ITIH2: variants seen among roughly 807,000 people sequenced by gnomAD.
ITIH2 encodes the protein inter-alpha-trypsin inhibitor heavy chain 2, also known as inter-alpha-trypsin inhibitor heavy chain H2.
Under a neutral mutation model 104.4 loss-of-function variants are expected in ITIH2, and 103 were observed. The ratio of observed to expected loss-of-function variants is 0.99; its 90% confidence interval spans 0.84 to 1.16. ITIH2 has a LOEUF of 1.16. ITIH2 is among the 50% of genes most tolerant of loss of function. ITIH2 has a pLI of 0.00. For missense variants in ITIH2, 1,108 were observed against 1,162.4 expected (o/e 0.95, Z 0.68); for synonymous variants, 436 against 435.4 (o/e 1.00, Z -0.02).
Position 7,735,049 on chromosome 10 carries a change from A to G in ITIH2, c.1915A>G (p.Met639Val). The change falls in exon 15 of 21, where the codon ATG becomes GTG. Residue 639 changes from methionine (M) to valine (V), a missense_variant. Coordinates refer to ENST00000358415, the MANE Select transcript of ITIH2 (RefSeq NM_002216.3). ...CGAGAACGAGGCTGGGGATGAGCGC[A>G]TGCTGGCGGATGCCCCACCGCAGGA... ...VIENEAGDER[M>V]LADAPPQDPS... is the part of the protein sequence containing the mutation. The G allele has an allele frequency of 6.2e-7, 1 of 1,612,368 alleles. No homozygotes were observed. Among genetic ancestry groups the G allele is most frequent in the South Asian group, 1.1e-5 (1 of 91,070 alleles).
In ITIH2 at chr10:7,719,341, G is replaced by A. The variant is rs57223150; in HGVS notation, c.631-1515G>A. ...GCAAATGCAGCGCCATCCAGGGCAC[G>A]TGACTTGGCCAAGATGCTCTGTACA... On this transcript the variant is annotated intron_variant, in intron 6 of 20. Coordinates refer to ENST00000358415, the MANE Select transcript of ITIH2 (RefSeq NM_002216.3). Among the ~76,000 whole-genome samples, 243 of 152,302 alleles carry A rather than the reference G, an allele frequency of 1.6e-3. 3 individuals carry two copies. Among genetic ancestry groups the A allele is most frequent in the African/African-American group, 5.7e-3 (237 of 41,544 alleles).
chr10:7,720,678 G>A (rs1327255352), intron 6 of ITIH2, among the ~76,000 whole-genome samples, 178 bp from the exon 7 acceptor site: 2 of 152,248 alleles, frequency 1.3e-5, no homozygotes, highest in South Asian at 2.1e-4. Context: ...TTAAGCCTCC[G>A]TGGTGAGATG....
chr10:7,749,111 A>C (rs1412456815), intron 20 of ITIH2, 76 bp from the exon 21 acceptor site: 22 of 1,456,604 alleles, frequency 1.5e-5, no homozygotes, highest in Non-Finnish European at 2.0e-5. Context: ...AACACGAAGA[A>C]CAGCAAGGAA....
intron 14 of ITIH2, 84 bp from the exon 15 acceptor site, chr10:7,734,838 G>T: frequency 8.1e-7 from 1 of 1,230,660 alleles, no homozygotes; most frequent in Non-Finnish European, 1.1e-6. Context: ...CCCCAGCAGT[G>T]GTGGGGTGCA....
At chr10:7,733,840 T>C (rs888246790) in intron 14 of ITIH2, among the ~76,000 whole-genome samples, 3 of 152,114 alleles carry the variant, frequency 2.0e-5, no homozygotes, top group Non-Finnish European at 2.9e-5. Context: ...AATGCAGTTG[T>C]ATGACTGAAC....
intron 4 of ITIH2, among the ~76,000 whole-genome samples, chr10:7,710,115 G>C (rs977910192): frequency 6.6e-6 from 1 of 152,230 alleles, no homozygotes; most frequent in Non-Finnish European, 1.5e-5. Context: ...GCCTCCCAAA[G>C]TGTTGGGATT....
At chr10:7,749,103 C>G in intron 20 of ITIH2, 84 bp from the exon 21 acceptor site, 1 of 1,389,500 alleles carries the variant, frequency 7.2e-7, no homozygotes, top group Admixed American at 1.9e-5. Flanking sequence ...ACAGAAGGAA[C>G]ACGAAGAACA....
At position 7,735,138 on chromosome 10, in the gene ITIH2, C is replaced by T. The variant is rs1314235378; in HGVS notation, c.1957+47C>T. The T allele has an allele frequency of 2.6e-6, 4 of 1,540,636 alleles. No individual in the cohort carries two copies. In the South Asian group the frequency reaches 4.7e-5, roughly 18 times the overall value. ...ACAAGTGGCCAGGCAGCTCTCTTGC[C>T]CCGGGGGTGGGCGAAGTCCTAGTGC... On this transcript the variant is annotated intron_variant, in intron 15 of 20. Coordinates refer to ENST00000358415, the MANE Select transcript of ITIH2 (RefSeq NM_002216.3).
At chr10:7,710,326 C>T (rs1382191729) in intron 4 of ITIH2, among the ~76,000 whole-genome samples, 1 of 152,190 alleles carries the variant, frequency 6.6e-6, no homozygotes, top group African/African-American at 2.4e-5. Context: ...TAAACTACTC[C>T]AATACTTTCC....
rs547374577 is a variant in ITIH2, at chr10:7,714,694, G to A, written c.467+1409G>A. On this transcript the variant is annotated intron_variant, in intron 5 of 20. Transcript: ENST00000358415. Reference sequence around the variant, plus strand: ...CATGCAGGAGACAGACAAGGAACCTGTGACAACAATATCTGCAGTGGGCAA... The same window carrying A: ...CATGCAGGAGACAGACAAGGAACCTATGACAACAATATCTGCAGTGGGCAA... Among the ~76,000 whole-genome samples the A allele has an allele frequency of 5.3e-5, 8 of 152,278 alleles. No individual in the cohort carries two copies. The East Asian group carries it at 1.5e-3, about 29-fold the overall frequency.
Position 7,713,200 on chromosome 10 carries a change from T to C in ITIH2, c.382T>C (p.Phe128Leu). ...TTCTAGGACTGTGGACGGCAAGACATTTAGGAGCTCTATTAAGGAGAAAAC... is the reference window on the plus strand; with the variant it reads ...TTCTAGGACTGTGGACGGCAAGACACTTAGGAGCTCTATTAAGGAGAAAAC... Reference protein sequence around the residue: ...NFSMTVDGKTFRSSIKEKTVG... With the variant: ...NFSMTVDGKTLRSSIKEKTVG... Residue 128 changes from phenylalanine (F) to leucine (L), a missense_variant, in exon 5 of 21, where the codon TTT becomes CTT. Coordinates refer to ENST00000358415, the MANE Select transcript of ITIH2 (RefSeq NM_002216.3). The C allele has an allele frequency of 6.2e-7, 1 of 1,613,812 alleles. No individual in the cohort carries two copies. The highest frequency in any genetic ancestry group is 8.5e-7 in the Non-Finnish European group (1 of 1,179,792).
intron 6 of ITIH2, among the ~76,000 whole-genome samples, chr10:7,719,675 A>G (rs914077957): frequency 6.7e-6 from 1 of 148,978 alleles, no homozygotes; most frequent in South Asian, 2.1e-4. Flanking sequence ...GCAGGAGGAT[A>G]ACTTGAGCCT....
Position 7,737,567 on chromosome 10 carries a change from A to C in ITIH2, c.1958-1054A>C, listed in dbSNP as rs1449677578. Among the ~76,000 whole-genome samples the C allele has an allele frequency of 7.8e-4, 82 of 104,550 alleles. 2 individuals are homozygous for C. The highest frequency in any genetic ancestry group is 2.3e-3 in the African/African-American group (68 of 30,034). The allele number at this position is 104,550 out of a possible 152,430, so 68.6% of individuals were successfully genotyped here. A position where few individuals can be genotyped will look rare whatever the true frequency, so the allele number is the denominator to read the frequency against. On this transcript the variant is annotated intron_variant, in intron 15 of 20. Transcript: ENST00000358415. ...TATATTATGTATTCTATATAATATT[A>C]TATATTAAATTCTATATTCTATATT... is the stretch of plus-strand genomic sequence containing the variant.
chr10:7,733,353 C>T (rs1329554560), intron 14 of ITIH2, among the ~76,000 whole-genome samples: 4 of 152,114 alleles, frequency 2.6e-5, no homozygotes, highest in African/African-American at 9.7e-5. Flanking sequence ...GCCTCGGCTT[C>T]CTAATGTGCT....
intron 8 of ITIH2, among the ~76,000 whole-genome samples, chr10:7,722,157 C>T (rs991309235): frequency 2.6e-5 from 4 of 152,044 alleles, no homozygotes; most frequent in Admixed American, 6.5e-5. Flanking sequence ...CAAGAGCCAG[C>T]GGTGAATTTC....
At chr10:7,745,108 G>T (rs989789782) in intron 19 of ITIH2, 145 bp downstream of exon 19, 1 of 650,944 alleles carries the variant, frequency 1.5e-6, no homozygotes, top group Non-Finnish European at 2.5e-6. Flanking sequence ...GGTCGCTCGG[G>T]AATGTGACAG....
intron 9 of ITIH2, among the ~76,000 whole-genome samples, chr10:7,724,078 A>C (rs1834930586): frequency 6.6e-6 from 1 of 152,204 alleles, no homozygotes; most frequent in Non-Finnish European, 1.5e-5. Context: ...TCCAGCTCAG[A>C]GCTCAATATA....
chr10:7,717,241 C>G (rs1029874758), intron 5 of ITIH2, among the ~76,000 whole-genome samples: 2 of 152,174 alleles, frequency 1.3e-5, no homozygotes, highest in African/African-American at 4.8e-5. Context: ...CATGAACCAC[C>G]ACACCCAGCC....
chr10:7,738,472 G>A, intron 15 of ITIH2, 149 bp from the exon 16 acceptor site: 1 of 802,694 alleles, frequency 1.2e-6, no homozygotes, highest in South Asian at 1.7e-5. Flanking sequence ...CATGACAGAG[G>A]GAGCCCGAGA....
Sources: allele counts gnomAD v4.1 joint callset (sites outside exome capture counted in the v4.1 genomes callset), GRCh38; gene constraint gnomAD v4.1.1; transcripts MANE v1.5; gene names NCBI Gene and HGNC (gene_info 2026-07-23, HGNC 2026-07-21).